The following OCA2 variants were observed in gnomAD, a reference collection of about 807,000 sequenced individuals.
The protein encoded by OCA2 is OCA2 melanosomal transmembrane protein.
A neutral mutation model predicts 100.2 loss-of-function variants in OCA2; 77 were observed. That is an observed-to-expected ratio of 0.77 (90% confidence interval 0.64 to 0.93). The LOEUF (loss-of-function observed/expected upper bound fraction) is 0.93. Among genes scored for constraint, OCA2 ranks in the 40% least tolerant of loss-of-function variants. OCA2 has a pLI of 0.00. For missense variants in OCA2, 1,062 were observed against 1,089.1 expected (o/e 0.98, Z 0.35); for synonymous variants, 432 against 439.2 (o/e 0.98, Z 0.21).
chr15:27,772,279 G>A (rs2031925164), intron 23 of OCA2, among the ~76,000 whole-genome samples: 2 of 152,098 alleles, frequency 1.3e-5, no homozygotes, highest in Admixed American at 1.3e-4. Flanking sequence ...TTACTGAAAT[G>A]GTATGCATTA....
chr15:27,949,336 C>G (rs4778210), intron 18 of OCA2, among the ~76,000 whole-genome samples: 1 of 152,118 alleles, frequency 6.6e-6, no homozygotes, highest in South Asian at 2.1e-4. Flanking sequence ...TCACATTGAA[C>G]GAGGCTCAAC....
At position 27,896,278 on chromosome 15, in the gene OCA2, G is replaced by A. The variant is rs138448262; in HGVS notation, c.2080-24356C>T. 6.4e-4 allele frequency: 703 copies of A among 1,106,348 alleles called. 2 individuals are homozygous for A. In the African/African-American group the frequency reaches 9.3e-3, roughly 15 times the overall value. 68.5% of individuals were successfully genotyped at this position (1,106,348 alleles called of 1,614,324 possible). On this transcript the variant is annotated intron_variant, in intron 19 of 23. Coordinates refer to ENST00000354638, the MANE Select transcript of OCA2 (RefSeq NM_000275.3). Reference sequence around the variant, plus strand: ...AAGGAATTTAATGCAGAAGTACACCGGAAGCACATCATGGGCCAGAATGTT... The same window carrying A: ...AAGGAATTTAATGCAGAAGTACACCAGAAGCACATCATGGGCCAGAATGTT...
chr15:27,735,745 C>T, the OCA2 span, among the ~76,000 whole-genome samples: 1 of 151,222 alleles, frequency 6.6e-6, no homozygotes, highest in African/African-American at 2.4e-5. Context: ...AACAAAAAAA[C>T]AAAAAAACAA....
chr15:27,741,526 G>A, the OCA2 span, among the ~76,000 whole-genome samples: 11,148 of 152,258 alleles, frequency 0.073, 1,246 homozygotes, highest in African/African-American at 0.24. Flanking sequence ...GCATCTGGCG[G>A]TGGGACAGAA....
intron 7 of OCA2, among the ~76,000 whole-genome samples, chr15:28,017,993 G>A (rs774620965): frequency 3.9e-5 from 6 of 152,148 alleles, no homozygotes; most frequent in South Asian, 2.1e-4. Flanking sequence ...AGCTCAGAAC[G>A]TAGGCACTGT....
intron 22 of OCA2, 106 bp from the exon 23 acceptor site, chr15:27,845,158 T>TAAAA: frequency 1.1e-6 from 1 of 893,346 alleles, no homozygotes; most frequent in Non-Finnish European, 1.8e-6. Flanking sequence ...GATTTGATTA[T>TAAAA]TATTTTATAG....
In OCA2 at chr15:27,835,444, G is replaced by A. The variant is rs182128854; in HGVS notation, c.2432+9515C>T. On this transcript the variant is annotated intron_variant, in intron 23 of 23. Coordinates refer to ENST00000354638, the MANE Select transcript of OCA2 (RefSeq NM_000275.3). ...TTGGGCCCCCACAACCTGGACAGGA[G>A]ACATAAGTGAGCAGCCTCCAGATGA... 5.3e-3 allele frequency among the ~76,000 whole-genome samples: 807 copies of A among 152,342 alleles called. 26 individuals are homozygous for A. The highest frequency in any genetic ancestry group is 0.046 in the Admixed American group (709 of 15,310).
intron 23 of OCA2, among the ~76,000 whole-genome samples, chr15:27,831,305 A>AAAAAAAAAAAAAC (rs2034946349): frequency 6.6e-6 from 1 of 151,404 alleles, no homozygotes; most frequent in Non-Finnish European, 1.5e-5. Context: ...AAAAAAAAAA[A>AAAAAAAAAAAAAC]ATCGGTCTGA....
At chr15:27,902,981 G>A (rs1448222145) in intron 19 of OCA2, among the ~76,000 whole-genome samples, 2 of 152,180 alleles carry the variant, frequency 1.3e-5, no homozygotes, top group African/African-American at 2.4e-5. Flanking sequence ...CGATCCCCTC[G>A]GGAGCACCCA....
the OCA2 span, among the ~76,000 whole-genome samples, chr15:27,724,669 G>C: frequency 1.3e-5 from 2 of 152,126 alleles, no homozygotes; most frequent in African/African-American, 2.4e-5. Flanking sequence ...ACCTCCATCA[G>C]AGTCCGGAAC....
intron 23 of OCA2, among the ~76,000 whole-genome samples, chr15:27,756,837 C>T (rs192439685): frequency 1.1e-3 from 163 of 152,320 alleles, no homozygotes; most frequent in African/African-American, 3.5e-3. Flanking sequence ...GCAGACCTTG[C>T]TTGAGAAGCC....
chr15:27,852,290 T>C (rs1431577787), intron 21 of OCA2, among the ~76,000 whole-genome samples: 2 of 152,166 alleles, frequency 1.3e-5, no homozygotes, highest in African/African-American at 4.8e-5. Flanking sequence ...CTAGCCAGTT[T>C]TCCCACCACC....
intron 19 of OCA2, among the ~76,000 whole-genome samples, chr15:27,884,416 A>G (rs1488901726): frequency 6.6e-6 from 1 of 152,190 alleles, no homozygotes; most frequent in African/African-American, 2.4e-5. Flanking sequence ...AAATGCCTGT[A>G]TGTCAATTTT....
the OCA2 span, among the ~76,000 whole-genome samples, chr15:27,719,518 G>A: frequency 4.6e-5 from 7 of 152,240 alleles, no homozygotes; most frequent in South Asian, 2.1e-4. Flanking sequence ...ATACATGCAC[G>A]TACATGTAGG....
intron 13 of OCA2, among the ~76,000 whole-genome samples, chr15:27,984,468 C>T (rs993124744): frequency 6.6e-6 from 1 of 152,236 alleles, no homozygotes; most frequent in Non-Finnish European, 1.5e-5. Context: ...AGAGGCCTCC[C>T]ACCACCTCAG....
At chr15:28,064,855 G>T (rs529809997) in intron 2 of OCA2, among the ~76,000 whole-genome samples, 10 of 144,806 alleles carry the variant, frequency 6.9e-5, no homozygotes, top group South Asian at 6.6e-4. Flanking sequence ...ATGTCTTGGG[G>T]TTTTTTTTTT....
intron 23 of OCA2, among the ~76,000 whole-genome samples, chr15:27,792,712 C>T (rs2151134705): frequency 6.6e-6 from 1 of 152,346 alleles, no homozygotes; most frequent in Middle Eastern, 3.4e-3. Context: ...ACTGTGGTCA[C>T]AGCTGTTGCT....
intron 6 of OCA2, among the ~76,000 whole-genome samples, chr15:28,020,032 C>A (rs533604898): frequency 2.0e-5 from 3 of 152,208 alleles, no homozygotes; most frequent in African/African-American, 7.2e-5. Flanking sequence ...CGTCTTCCCC[C>A]CTGCGGCCTT....
intron 23 of OCA2, among the ~76,000 whole-genome samples, chr15:27,779,064 G>A (rs1232388080): frequency 6.6e-6 from 1 of 152,208 alleles, no homozygotes; most frequent in African/African-American, 2.4e-5. Context: ...AGGCATTAAA[G>A]TACTGGAGTT....
Sources: gnomAD v4.1 joint callset for allele counts (sites outside exome capture counted in the v4.1 genomes callset) on GRCh38, gnomAD v4.1.1 for gene constraint, MANE v1.5 for transcripts, NCBI Gene and HGNC (gene_info 2026-07-23, HGNC 2026-07-21) for gene names.